The following PIBF1 variants were observed in gnomAD, a reference collection of about 807,000 sequenced individuals.
PIBF1 encodes progesterone-induced-blocking factor 1.
In PIBF1, 90 loss-of-function variants were observed where a neutral mutation model predicts 112.5. That is an observed-to-expected ratio of 0.80 (90% CI 0.67 to 0.95). The LOEUF is 0.95. PIBF1 is among the 40% of genes least tolerant of loss of function. The pLI is 0.00. For synonymous variants in PIBF1, 301 were observed against 288.6 expected, an observed-to-expected ratio of 1.04 and a Z score of -0.44; for missense variants, 915 against 852.3, an observed-to-expected ratio of 1.07 and a Z score of -0.92.
intron 9 of PIBF1, among the ~76,000 whole-genome samples, chr13:72,844,742 C>CAT (rs2037761406): frequency 1.4e-5 from 1 of 70,864 alleles, no homozygotes; most frequent in Non-Finnish European, 2.9e-5. Context: ...CACACACACA[C>CAT]ACACACACAC....
At chr13:72,983,206 G>A (rs1045957433) in intron 16 of PIBF1, among the ~76,000 whole-genome samples, 1 of 151,988 alleles carries the variant, frequency 6.6e-6, no homozygotes, top group African/African-American at 2.4e-5. Context: ...TGGCTGTTGT[G>A]GGAGGATCCT....
intron 2 of PIBF1, among the ~76,000 whole-genome samples, chr13:72,789,320 G>A (rs2034771941): frequency 6.6e-6 from 1 of 152,010 alleles, no homozygotes; most frequent in Non-Finnish European, 1.5e-5. Context: ...GAGCAGCTGA[G>A]ACTACAGGCG....
chr13:73,001,925 CTT>C (rs1382303656), intron 17 of PIBF1, among the ~76,000 whole-genome samples: 1 of 151,932 alleles, frequency 6.6e-6, no homozygotes, highest in African/African-American at 2.4e-5. Context: ...CCTGACAAGA[CTT>C]TTTTTAATGT....
rs78461380 is a variant in PIBF1 at position 72,817,161 on chromosome 13, A to G, written c.673-4688A>G. ...GTAAATGTCATTATATTCTATTTCC[A>G]ATTTCCTTAGTTGTCCTCCACACAG... On this transcript the variant is annotated intron_variant, in intron 5 of 17. Transcript: ENST00000326291. Among the ~76,000 whole-genome samples the G allele has an allele frequency of 6.4e-3, 979 of 152,312 alleles. 13 individuals are homozygous for G. Among genetic ancestry groups the G allele is most frequent in the African/African-American group, 0.022 (907 of 41,570 alleles).
intron 11 of PIBF1, among the ~76,000 whole-genome samples, chr13:72,895,881 C>T (rs970265358): frequency 5.3e-5 from 8 of 152,142 alleles, no homozygotes; most frequent in Non-Finnish European, 1.2e-4. Flanking sequence ...GGCAAGTTTT[C>T]AAGCCCAACT....
chr13:72,977,383 T>C (rs927389902), intron 16 of PIBF1, among the ~76,000 whole-genome samples: 3 of 152,108 alleles, frequency 2.0e-5, no homozygotes, highest in Non-Finnish European at 4.4e-5. Context: ...TTTTTTTGTA[T>C]TTTTAGTAGA....
chr13:72,885,150 T>G (rs2039795536), intron 10 of PIBF1, among the ~76,000 whole-genome samples: 1 of 152,188 alleles, frequency 6.6e-6, no homozygotes, highest in Admixed American at 6.5e-5. Context: ...ATTTTTAGAA[T>G]GTTGTCATGT....
chr13:72,875,033 T>G (rs1255506386), intron 10 of PIBF1, among the ~76,000 whole-genome samples: 1 of 152,108 alleles, frequency 6.6e-6, no homozygotes, highest in East Asian at 1.9e-4. Flanking sequence ...TTGTACATTC[T>G]GTATGTTTGG....
chr13:72,904,429 A>ATTTTTT (rs1240090172), intron 11 of PIBF1, among the ~76,000 whole-genome samples: 5 of 51,084 alleles, frequency 9.8e-5, no homozygotes, highest in Admixed American at 2.6e-4. Context: ...ATATCAAAAT[A>ATTTTTT]TTTCTTTTTT....
Position 72,821,989 on chromosome 13 carries a change from A to G in PIBF1, c.806+7A>G, listed in dbSNP as rs1427311145. Reference sequence around the variant, plus strand: ...ACTATGATAAAGTCAAGAGGTAAGTAGTTAAAATGGCTGCAGTAGTAGTTC... The same window carrying G: ...ACTATGATAAAGTCAAGAGGTAAGTGGTTAAAATGGCTGCAGTAGTAGTTC... On this transcript the variant is annotated splice_region_variant and intron_variant, in intron 6 of 17. Transcript: ENST00000326291. The G allele has an allele frequency of 3.7e-6, 6 of 1,604,448 alleles. No homozygotes were observed. Among genetic ancestry groups the G allele is most frequent in the Non-Finnish European group, 5.1e-6 (6 of 1,175,938 alleles).
intron 13 of PIBF1, among the ~76,000 whole-genome samples, chr13:72,928,191 A>G (rs1334609434): frequency 6.6e-6 from 1 of 151,606 alleles, no homozygotes; most frequent in African/African-American, 2.4e-5. Flanking sequence ...AATGACATCA[A>G]CAGTCATACT....
intron 5 of PIBF1, among the ~76,000 whole-genome samples, chr13:72,815,310 T>C (rs1386084377): frequency 6.6e-6 from 1 of 152,240 alleles, no homozygotes; most frequent in Non-Finnish European, 1.5e-5. Context: ...AATAGCTTCA[T>C]GAACACATTA....
At chr13:72,784,583 ACCACCC>A (rs1270463744) in intron 2 of PIBF1, among the ~76,000 whole-genome samples, 2 of 151,962 alleles carry the variant, frequency 1.3e-5, no homozygotes, top group South Asian at 2.1e-4. Context: ...ACATGGTGAG[ACCACCC>A]TTGCTACTAA....
chr13:72,901,911 A>G (rs959677212), intron 11 of PIBF1, among the ~76,000 whole-genome samples: 1 of 151,720 alleles, frequency 6.6e-6, no homozygotes, highest in African/African-American at 2.4e-5. Flanking sequence ...TTGCACACAC[A>G]TGTTTATAGC....
rs1008636709 is a variant in PIBF1, at chr13:72,937,465, C to T, written c.1833+6198C>T. On this transcript the variant is annotated intron_variant, in intron 14 of 17. Coordinates refer to ENST00000326291, the MANE Select transcript of PIBF1 (RefSeq NM_006346.4). ...CCCCCAGCCTTTGTGTTCTTGTTGTCGTACATTTTATTTATACACATATAA... is the reference window on the plus strand; with the variant it reads ...CCCCCAGCCTTTGTGTTCTTGTTGTTGTACATTTTATTTATACACATATAA... 5.3e-5 allele frequency among the ~76,000 whole-genome samples: 8 copies of T among 152,078 alleles called. No homozygotes were observed. The South Asian group carries it at 8.3e-4, about 16-fold the overall frequency.
chr13:72,875,130 T>C (rs1397389003), intron 10 of PIBF1, among the ~76,000 whole-genome samples: 4 of 152,234 alleles, frequency 2.6e-5, no homozygotes, highest in South Asian at 2.1e-4. Flanking sequence ...CATGGTTTTA[T>C]CTTTTTCAAA....
intron 9 of PIBF1, among the ~76,000 whole-genome samples, chr13:72,841,866 A>T (rs1178349884): frequency 1.3e-5 from 2 of 152,212 alleles, no homozygotes; most frequent in African/African-American, 4.8e-5. Context: ...TAAATTATAG[A>T]TGTAGATGAG....
intron 12 of PIBF1, among the ~76,000 whole-genome samples, chr13:72,914,844 C>T (rs573862358): frequency 2.8e-4 from 42 of 152,206 alleles, no homozygotes; most frequent in Admixed American, 1.2e-3. Flanking sequence ...CCTCCCAAAA[C>T]GCTGGGATTA....
intron 3 of PIBF1, among the ~76,000 whole-genome samples, chr13:72,792,756 A>G (rs572645431): frequency 1.3e-5 from 2 of 152,350 alleles, no homozygotes; most frequent in East Asian, 3.9e-4. Flanking sequence ...TTCATTCAAC[A>G]AACATTGGTC....
Sources: allele counts gnomAD v4.1 joint callset (sites outside exome capture counted in the v4.1 genomes callset), GRCh38; gene constraint gnomAD v4.1.1; transcripts MANE v1.5; gene names NCBI Gene and HGNC (gene_info 2026-07-23, HGNC 2026-07-21).